The following TTBK2 variants were observed in gnomAD, a reference collection of about 807,000 sequenced individuals.
TTBK2 encodes the protein tau-tubulin kinase 2.
In TTBK2, 28 loss-of-function variants were observed where a neutral mutation model predicts 110.8. The ratio of observed to expected loss-of-function variants is 0.25; its 90% confidence interval spans 0.19 to 0.35. TTBK2 has a LOEUF of 0.35. Ranked by LOEUF, TTBK2 falls within the 10% of genes least tolerant of loss-of-function variation. The probability of loss-of-function intolerance (pLI) is 1.00; values close to 1 mark genes in which losing one functional copy is unlikely to be tolerated. For synonymous variants in TTBK2, 532 were observed against 527.3 expected (o/e 1.01, Z -0.12); for missense variants, 1,369 against 1,500.3 (o/e 0.91, Z 1.45).
At chr15:42,919,027 C>G (rs376110166) in intron 1 of TTBK2, among the ~76,000 whole-genome samples, 2 of 152,136 alleles carry the variant, frequency 1.3e-5, no homozygotes, top group East Asian at 3.9e-4. Context: ...CATTTCCTAA[C>G]ATTCTATCAT....
At chr15:42,794,864 G>A in intron 9 of TTBK2, 63 bp from the exon 10 acceptor site, 1 of 1,592,666 alleles carries the variant, frequency 6.3e-7, no homozygotes, top group South Asian at 1.1e-5. Context: ...TATTCTATAA[G>A]AGAAAGCACA....
At chr15:42,849,897 T>C (rs1893626476) in intron 3 of TTBK2, among the ~76,000 whole-genome samples, 1 of 152,140 alleles carries the variant, frequency 6.6e-6, no homozygotes, top group Non-Finnish European at 1.5e-5. Flanking sequence ...TTCCCTCTTC[T>C]ACAATCTTTC....
In TTBK2 at chr15:42,738,882, T is replaced by A. The variant is rs759485125; in HGVS notation, c.*6913A>T. 6.6e-6 allele frequency: 1 copy of A among 152,238 alleles called. No homozygotes were observed. The highest frequency in any genetic ancestry group is 2.4e-5 in the African/African-American group (1 of 41,456). 9.4% of individuals were successfully genotyped at this position (152,238 alleles called of 1,614,324 possible). On this transcript the variant is annotated 3_prime_UTR_variant, in exon 15 of 15. Transcript: ENST00000267890. ...AGTAACACTATCTGCTCCCCGTTGA[T>A]CTTGTAACATCTGGTGTATTCAATA...
intron 3 of TTBK2, among the ~76,000 whole-genome samples, chr15:42,856,663 C>T (rs1217945647): frequency 1.3e-5 from 2 of 152,028 alleles, no homozygotes; most frequent in East Asian, 3.9e-4. Context: ...TTGAGGCCAG[C>T]AGTTCAAGTT....
At chr15:42,891,669 T>C (rs1895462103) in intron 1 of TTBK2, among the ~76,000 whole-genome samples, 1 of 152,198 alleles carries the variant, frequency 6.6e-6, no homozygotes, top group Admixed American at 6.5e-5. Flanking sequence ...ACTTATCATA[T>C]AGTCCTCTTC....
intron 3 of TTBK2, among the ~76,000 whole-genome samples, chr15:42,853,748 G>A (rs1438962296): frequency 1.3e-5 from 2 of 151,952 alleles, no homozygotes; most frequent in Admixed American, 6.6e-5. Context: ...AAGAATAAAC[G>A]AGCACACCTG....
In TTBK2 at chr15:42,743,732, T is replaced by A. The variant is rs1176830351; in HGVS notation, c.*2063A>T. 6.6e-6 allele frequency: 1 copy of A among 152,180 alleles called. No homozygotes were observed. Among genetic ancestry groups the A allele is most frequent in the African/African-American group, 2.4e-5 (1 of 41,448 alleles). The allele number at this position is 152,180 out of a possible 1,614,324, so 9.4% of individuals were successfully genotyped here. On this transcript the variant is annotated 3_prime_UTR_variant, in exon 15 of 15. Coordinates refer to ENST00000267890, the MANE Select transcript of TTBK2 (RefSeq NM_173500.4). ...CCCTGTAATTTTTTCCCTATTAAAA[T>A]CTTTTTGAAATGAAAATTAAATAAC...
At chr15:42,912,667 C>T (rs1043651232) in intron 1 of TTBK2, among the ~76,000 whole-genome samples, 4 of 151,420 alleles carry the variant, frequency 2.6e-5, no homozygotes, top group Admixed American at 1.3e-4. Context: ...GCTGAGATTG[C>T]AAGATCGCGC....
chr15:42,762,890 C>T (rs1002415307), intron 13 of TTBK2, among the ~76,000 whole-genome samples: 1 of 150,542 alleles, frequency 6.6e-6, no homozygotes. Flanking sequence ...CATGTTCTCA[C>T]TAATATATGA....
chr15:42,752,458 G>T lies in TTBK2; in HGVS notation c.2788C>A (p.Arg930=). The change falls in exon 14 of 15, where the codon CGG becomes AGG. Residue 930 remains arginine (R), a synonymous_variant. Coordinates refer to ENST00000267890, the MANE Select transcript of TTBK2 (RefSeq NM_173500.4). Reference sequence around the variant, plus strand: ...AAGGATGACCTAACCATATCCTTCCGGGTTGGGGCACCATGTTCATTCTCT... The same window carrying T: ...AAGGATGACCTAACCATATCCTTCCTGGTTGGGGCACCATGTTCATTCTCT... ...VSENEHGAPT[R]KDMVRSSFVT... 1 of 1,614,142 alleles carries T rather than the reference G, an allele frequency of 6.2e-7. No individual in the cohort carries two copies. Among genetic ancestry groups the T allele is most frequent in the African/African-American group, 1.3e-5 (1 of 75,026 alleles).
At chr15:42,862,025 T>C (rs1274125748) in intron 3 of TTBK2, among the ~76,000 whole-genome samples, 1 of 152,014 alleles carries the variant, frequency 6.6e-6, no homozygotes, top group Non-Finnish European at 1.5e-5. Flanking sequence ...AAACTCCTAA[T>C]ATTAAACCAG....
intron 13 of TTBK2, among the ~76,000 whole-genome samples, chr15:42,763,517 T>C (rs1431059536): frequency 1.3e-5 from 2 of 151,560 alleles, no homozygotes; most frequent in Non-Finnish European, 2.9e-5. Flanking sequence ...TCTGGCCCAA[T>C]AATATATATT....
At chr15:42,771,182 C>A (rs977769957) in intron 13 of TTBK2, among the ~76,000 whole-genome samples, 1 of 151,970 alleles carries the variant, frequency 6.6e-6, no homozygotes, top group Non-Finnish European at 1.5e-5. Flanking sequence ...ACTATCTTGG[C>A]CAGGCTGGTC....
chr15:42,772,989 A>G (rs1317638421), intron 13 of TTBK2, among the ~76,000 whole-genome samples: 1 of 152,160 alleles, frequency 6.6e-6, no homozygotes, highest in Non-Finnish European at 1.5e-5. Context: ...AACTGTTTAG[A>G]TGTAAGTTTT....
chr15:42,884,896 T>G (rs1029610325), intron 1 of TTBK2, among the ~76,000 whole-genome samples: 1 of 152,176 alleles, frequency 6.6e-6, no homozygotes, highest in Non-Finnish European at 1.5e-5. Flanking sequence ...CATTGTGATT[T>G]GTTTCCCCCC....
At chr15:42,890,937 T>C (rs2141164041) in intron 1 of TTBK2, among the ~76,000 whole-genome samples, 1 of 152,284 alleles carries the variant, frequency 6.6e-6, no homozygotes, top group Middle Eastern at 3.4e-3. Flanking sequence ...GGCGCAATCT[T>C]GGCTCACTGC....
At position 42,775,594 on chromosome 15, in the gene TTBK2, T is replaced by C. The variant is rs1050680063; in HGVS notation, c.1539A>G (p.Pro513=). ...HIWHYDEEYL[P]DASKPASANT... is the part of the protein sequence containing the mutation. Reference sequence around the variant, plus strand: ...TGGCAGAAGCAGGCTTGGAGGCATCTGGAAGATATTCTTCATCATAGTGCC... The same window carrying C: ...TGGCAGAAGCAGGCTTGGAGGCATCCGGAAGATATTCTTCATCATAGTGCC... The change falls in exon 13 of 15, where the codon CCA becomes CCG. Residue 513 remains proline (P), a synonymous_variant. Coordinates refer to ENST00000267890, the MANE Select transcript of TTBK2 (RefSeq NM_173500.4). 3.1e-6 allele frequency: 5 copies of C among 1,613,996 alleles called. No individual in the cohort carries two copies. In the African/African-American group the frequency reaches 5.3e-5, roughly 17 times the overall value.
intron 1 of TTBK2, among the ~76,000 whole-genome samples, chr15:42,891,025 C>T (rs893842648): frequency 2.0e-5 from 3 of 151,930 alleles, no homozygotes; most frequent in Non-Finnish European, 2.9e-5. Context: ...TGCACCACCA[C>T]GCCCGGCTAA....
intron 1 of TTBK2, among the ~76,000 whole-genome samples, chr15:42,898,118 T>G (rs1343085173): frequency 6.6e-6 from 1 of 152,122 alleles, no homozygotes; most frequent in African/African-American, 2.4e-5. Context: ...GGCTAACTGC[T>G]TATGACGGCC....
Sources: gnomAD v4.1 joint callset for allele counts (sites outside exome capture counted in the v4.1 genomes callset) on GRCh38, gnomAD v4.1.1 for gene constraint, MANE v1.5 for transcripts, NCBI Gene and HGNC (gene_info 2026-07-23, HGNC 2026-07-21) for gene names.